KCTD3: variants seen among roughly 807,000 people sequenced by gnomAD.
KCTD3 encodes the protein BTB/POZ domain-containing protein KCTD3.
Under a neutral mutation model 85.8 loss-of-function variants are expected in KCTD3, and 41 were observed. The observed-to-expected ratio is 0.48, with a 90% CI of 0.37 to 0.62. The LOEUF is 0.62. Among genes scored for constraint, KCTD3 ranks in the 20% least tolerant of loss-of-function variants. KCTD3 has a pLI of 0.00. For missense variants in KCTD3, 724 were observed against 989.9 expected (o/e 0.73, Z 3.60); for synonymous variants, 338 against 345.4 (o/e 0.98, Z 0.24).
chr1:215,610,388 T>C (rs1158100524), intron 14 of KCTD3, among the ~76,000 whole-genome samples: 3 of 151,882 alleles, frequency 2.0e-5, no homozygotes, highest in Non-Finnish European at 2.9e-5. Flanking sequence ...TAGGAATATT[T>C]TGTATTCCAA....
rs1251795358 is a variant in KCTD3 at position 215,620,100 on chromosome 1, T to TA, written c.1931dup (p.Tyr644Ter). 4 of 1,610,756 alleles carry TA rather than the reference T, an allele frequency of 2.5e-6. No homozygotes were observed. The highest frequency in any genetic ancestry group is 1.1e-5 in the South Asian group (1 of 90,404). The change falls in exon 18 of 18, where the codon TAC becomes TAAC. Residue 644 changes from tyrosine (Y) to a stop codon, truncating the protein, a stop_gained and frameshift_variant. Transcript: ENST00000259154. LOFTEE classifies it low-confidence loss of function (END_TRUNC). ...HHDTTHEAAT[Y>*]GSMRPYRESP... is the part of the protein sequence containing the mutation. The stretch of plus-strand genomic sequence containing the variant: ...TGATACCACCCATGAAGCAGCTACT[T>TA]ACGGTTCCATGAGGCCTTACAGAGA...
chr1:215,571,629 C>CTT (rs563959943), intron 1 of KCTD3, among the ~76,000 whole-genome samples: 11 of 141,782 alleles, frequency 7.8e-5, no homozygotes, highest in Admixed American at 1.4e-4. Context: ...TGGAGATAAA[C>CTT]TTTTTTTTTT....
chr1:215,586,884 C>CT (rs978928407), intron 9 of KCTD3, among the ~76,000 whole-genome samples, 199 bp downstream of exon 9: 25 of 152,126 alleles, frequency 1.6e-4, no homozygotes, highest in African/African-American at 6.0e-4. Flanking sequence ...CTTTTCACCA[C>CT]TTTAAGTGAA....
chr1:215,579,828 A>G, intron 7 of KCTD3, 81 bp from the exon 8 acceptor site: 2 of 937,030 alleles, frequency 2.1e-6, no homozygotes, highest in Non-Finnish European at 3.5e-6. Flanking sequence ...AAACAGGCAG[A>G]AGGCTGAAAC....
At chr1:215,575,825 C>T (rs910476992) in intron 3 of KCTD3, 76 bp from the exon 4 acceptor site, 10 of 749,750 alleles carry the variant, frequency 1.3e-5, no homozygotes, top group Admixed American at 1.3e-4. Flanking sequence ...AGACTTCATT[C>T]CCTATTAGTG....
chr1:215,609,312 A>G (rs536018227), intron 14 of KCTD3, among the ~76,000 whole-genome samples: 4 of 152,004 alleles, frequency 2.6e-5, no homozygotes, highest in Non-Finnish European at 5.9e-5. Flanking sequence ...GAAAACAGCA[A>G]GTTAAAAGGG....
At chr1:215,613,080 C>T (rs1206006883) in intron 15 of KCTD3, among the ~76,000 whole-genome samples, 1 of 152,098 alleles carries the variant, frequency 6.6e-6, no homozygotes, top group East Asian at 1.9e-4. Flanking sequence ...CAGCAAACCA[C>T]TATGGCACAT....
intron 8 of KCTD3, among the ~76,000 whole-genome samples, chr1:215,585,734 A>G (rs2102569134): frequency 6.6e-6 from 1 of 152,284 alleles, no homozygotes; most frequent in African/African-American, 2.4e-5. Context: ...TTTCTTTAAA[A>G]CCTAAATTCA....
intron 9 of KCTD3, 88 bp downstream of exon 9, chr1:215,586,773 C>A: frequency 3.8e-6 from 4 of 1,047,050 alleles, no homozygotes; most frequent in Non-Finnish European, 5.6e-6. Context: ...TGAAAATTAA[C>A]CTGGACTGTC....
chr1:215,568,651 TA>T (rs997377688), intron 1 of KCTD3, among the ~76,000 whole-genome samples: 17 of 152,186 alleles, frequency 1.1e-4, no homozygotes. Context: ...GGTAAGGAGA[TA>T]AACAAGGAAA....
chr1:215,600,939 A>AT (rs751359094), intron 10 of KCTD3, among the ~76,000 whole-genome samples: 4,183 of 142,442 alleles, frequency 0.029, 138 homozygotes, highest in African/African-American at 0.078. Context: ...TAGCAAACAC[A>AT]TTTTTTTTTT....
intron 17 of KCTD3, 54 bp downstream of exon 17, chr1:215,619,345 G>T: frequency 1.4e-6 from 2 of 1,436,674 alleles, no homozygotes; most frequent in South Asian, 2.4e-5. Context: ...TGGGGAAATT[G>T]ACTGAAATAT....
At chr1:215,616,213 A>T (rs945761578) in intron 15 of KCTD3, among the ~76,000 whole-genome samples, 2 of 152,158 alleles carry the variant, frequency 1.3e-5, no homozygotes, top group East Asian at 3.8e-4. Flanking sequence ...ACAAATGTTG[A>T]TTTGTTTTAT....
At chr1:215,613,740 C>T (rs1036209353) in intron 15 of KCTD3, among the ~76,000 whole-genome samples, 1 of 152,080 alleles carries the variant, frequency 6.6e-6, no homozygotes, top group Non-Finnish European at 1.5e-5. Flanking sequence ...ATCCCAGCAC[C>T]ATTTATTGAA....
chr1:215,569,164 C>T (rs1659269486), intron 1 of KCTD3, among the ~76,000 whole-genome samples: 1 of 150,756 alleles, frequency 6.6e-6, no homozygotes, highest in Admixed American at 6.6e-5. Context: ...GCTCTGTCGC[C>T]TGGCTGGAGT....
At chr1:215,601,741 C>T in intron 10 of KCTD3, 126 bp from the exon 11 acceptor site, 1 of 607,292 alleles carries the variant, frequency 1.6e-6, no homozygotes. Context: ...AGTTTATTTC[C>T]TAAGCCCTAC....
intron 10 of KCTD3, 32 bp downstream of exon 10, chr1:215,595,503 T>C: frequency 7.8e-7 from 1 of 1,277,942 alleles, no homozygotes; most frequent in Non-Finnish European, 1.1e-6. Context: ...GAAGTGAAAA[T>C]ATTTCTGAAA....
At position 215,580,856 on chromosome 1, in the gene KCTD3, T is replaced by A. The variant is rs191413217; in HGVS notation, c.626+857T>A. ...AAGAATCCCAGATGTATTTTTTTTT[T>A]AAAAATCTGAATTTATGAAAGGTTT... is the stretch of plus-strand genomic sequence containing the variant. On this transcript the variant is annotated intron_variant, in intron 8 of 17. Coordinates refer to ENST00000259154, the MANE Select transcript of KCTD3 (RefSeq NM_016121.5). The A allele has an allele frequency of 5.1e-3, 1,652 of 325,282 alleles. 19 individuals carry two copies. The highest frequency in any genetic ancestry group is 0.032 in the African/African-American group (1,416 of 44,028). The allele number at this position is 325,282 out of a possible 1,614,324, so 20.1% of individuals were successfully genotyped here. A position where few individuals can be genotyped will look rare whatever the true frequency, so the allele number is the denominator to read the frequency against.
intron 9 of KCTD3, among the ~76,000 whole-genome samples, chr1:215,595,132 C>T (rs1005700916): frequency 2.0e-5 from 3 of 152,152 alleles, no homozygotes; most frequent in Admixed American, 6.6e-5. Flanking sequence ...AGGTGTTATA[C>T]AGCAGTATGA....
Sources: allele counts gnomAD v4.1 joint callset (sites outside exome capture counted in the v4.1 genomes callset), GRCh38; gene constraint gnomAD v4.1.1; transcripts MANE v1.5; gene names NCBI Gene and HGNC (gene_info 2026-07-23, HGNC 2026-07-21).